SNRPD1: variants seen among roughly 807,000 people sequenced by gnomAD.
SNRPD1 encodes small nuclear ribonucleoprotein D1 polypeptide.
SNRPD1 carries 1 observed loss-of-function variant against 14.4 expected under a neutral mutation model. That is an observed-to-expected ratio of 0.07 (90% CI 0.02 to 0.33). SNRPD1 has a LOEUF of 0.33. Among genes scored for constraint, SNRPD1 ranks in the 10% least tolerant of loss-of-function variants. SNRPD1 has a pLI of 1.00. For synonymous variants in SNRPD1, 42 were observed against 50.3 expected, an observed-to-expected ratio of 0.83 and a Z score of 0.70; for missense variants, 52 against 146.4, an observed-to-expected ratio of 0.36 and a Z score of 3.33.
At position 21,628,932 on chromosome 18, in the gene SNRPD1, C is replaced by CT. The variant is rs1598495282; in HGVS notation, c.284-127dup. ...ACACATTTAACAGAAGCTAGTTAAA[C>CT]TTTATTTACTGTAGCTACTAATAAA... On this transcript the variant is annotated intron_variant, in intron 3 of 3. Coordinates refer to ENST00000300413, the MANE Select transcript of SNRPD1 (RefSeq NM_006938.4). 1.4e-5 allele frequency: 10 copies of CT among 740,438 alleles called. No homozygotes were observed. In the South Asian group the frequency reaches 1.6e-4, roughly 12 times the overall value. 45.9% of individuals were successfully genotyped at this position (740,438 alleles called of 1,614,324 possible).
intron 1 of SNRPD1, among the ~76,000 whole-genome samples, chr18:21,617,352 C>T (rs1365247884): frequency 6.6e-6 from 1 of 152,052 alleles, no homozygotes; most frequent in Non-Finnish European, 1.5e-5. Flanking sequence ...GTAATCCCAG[C>T]TAAATCAACC....
At chr18:21,624,536 GC>G (rs1339407755) in intron 3 of SNRPD1, among the ~76,000 whole-genome samples, 1 of 151,152 alleles carries the variant, frequency 6.6e-6, no homozygotes, top group Non-Finnish European at 1.5e-5. Context: ...TACTAAAAAT[GC>G]AAAAAAAATC....
chr18:21,625,286 T>C (rs1334365637), intron 3 of SNRPD1, among the ~76,000 whole-genome samples: 1 of 148,872 alleles, frequency 6.7e-6, no homozygotes, highest in Non-Finnish European at 1.5e-5. Flanking sequence ...GTTCCCAGTC[T>C]ACTTTCTATT....
chr18:21,624,690 CA>C (rs1206974503), intron 3 of SNRPD1, among the ~76,000 whole-genome samples: 3,740 of 138,308 alleles, frequency 0.027, 123 homozygotes, highest in African/African-American at 0.076. Flanking sequence ...GACTTTGTCT[CA>C]AAAAAAAAAA....
chr18:21,631,664 C>T lies in SNRPD1; in HGVS notation c.*2526C>T, dbSNP rs2039085870. On this transcript the variant is annotated 3_prime_UTR_variant, in exon 4 of 4. Coordinates refer to ENST00000300413, the MANE Select transcript of SNRPD1 (RefSeq NM_006938.4). ...TGTTAGGATGGTCTCGTTCTCCTGA[C>T]CTCATGATCTGCACGAGGCCTCCCA... The T allele has an allele frequency of 6.6e-6, 1 of 152,054 alleles. No homozygotes were observed. The highest frequency in any genetic ancestry group is 6.6e-5 in the Admixed American group (1 of 15,210). The allele number at this position is 152,054 out of a possible 1,614,324, so 9.4% of individuals were successfully genotyped here. A position where few individuals can be genotyped will look rare whatever the true frequency, so the allele number is the denominator to read the frequency against.
intron 1 of SNRPD1, among the ~76,000 whole-genome samples, chr18:21,616,689 CTTT>C (rs34166333): frequency 5.2e-5 from 7 of 135,236 alleles, no homozygotes; most frequent in Non-Finnish European, 4.7e-5. Flanking sequence ...CTCTTTAAGT[CTTT>C]TTTTTTTTTT....
At chr18:21,617,808 G>A (rs573788147) in intron 1 of SNRPD1, among the ~76,000 whole-genome samples, 2 of 152,110 alleles carry the variant, frequency 1.3e-5, no homozygotes, top group Admixed American at 6.6e-5. Context: ...GTAAAACCCC[G>A]TCTCTACTAA....
In SNRPD1 at chr18:21,612,335, A is replaced by G; in HGVS notation, c.-95A>G. Reference sequence around the variant, plus strand: ...CGCTCTTGACGTCCGGAGCCCCTGGAGTAGGCGCTTCCGGCCATTCATACT... The same window carrying G: ...CGCTCTTGACGTCCGGAGCCCCTGGGGTAGGCGCTTCCGGCCATTCATACT... On this transcript the variant is annotated 5_prime_UTR_variant, in exon 1 of 4. Transcript: ENST00000300413. 1 of 912,940 alleles carries G rather than the reference A, an allele frequency of 1.1e-6. No homozygotes were observed. Among genetic ancestry groups the G allele is most frequent in the Non-Finnish European group, 1.6e-6 (1 of 618,502 alleles). The allele number at this position is 912,940 out of a possible 1,614,324, so 56.6% of individuals were successfully genotyped here.
At chr18:21,620,388 A>G (rs547241930) in intron 1 of SNRPD1, among the ~76,000 whole-genome samples, 2 of 152,326 alleles carry the variant, frequency 1.3e-5, no homozygotes, top group African/African-American at 2.4e-5. Flanking sequence ...GGCATGAGCC[A>G]CTGCACTGGC....
At chr18:21,622,581 C>T in intron 1 of SNRPD1, 144 bp from the exon 2 acceptor site, 5 of 583,690 alleles carry the variant, frequency 8.6e-6, no homozygotes, top group Non-Finnish European at 1.6e-5. Context: ...TTCAGGAAAG[C>T]TGAAATTGTT....
chr18:21,613,511 C>T (rs1036947891), intron 1 of SNRPD1, among the ~76,000 whole-genome samples: 2 of 152,146 alleles, frequency 1.3e-5, no homozygotes, highest in African/African-American at 4.8e-5. Flanking sequence ...TAGATAACGT[C>T]TGAAGTAACG....
chr18:21,620,419 C>G (rs1293608197), intron 1 of SNRPD1, among the ~76,000 whole-genome samples: 1 of 152,056 alleles, frequency 6.6e-6, no homozygotes, highest in Non-Finnish European at 1.5e-5. Context: ...ATTTGTAAAC[C>G]CTTTAACTTT....
rs1248966421 is a variant in SNRPD1, at chr18:21,621,811, A to C, written c.15-914A>C. On this transcript the variant is annotated intron_variant, in intron 1 of 3. Coordinates refer to ENST00000300413, the MANE Select transcript of SNRPD1 (RefSeq NM_006938.4). ...AGGCTGGTCTTGAATTCCTGACCTC[A>C]GATGATCCGCCCTCCTCGGCCTCCC... is the stretch of plus-strand genomic sequence containing the variant. Among the ~76,000 whole-genome samples the C allele has an allele frequency of 2.0e-5, 3 of 152,220 alleles. No homozygotes were observed. The East Asian group carries it at 5.8e-4, about 30-fold the overall frequency.
chr18:21,627,955 C>T (rs951405722), intron 3 of SNRPD1, among the ~76,000 whole-genome samples: 2 of 152,100 alleles, frequency 1.3e-5, no homozygotes, highest in African/African-American at 2.4e-5. Flanking sequence ...GCTGGTTCTC[C>T]TCAGTTTTCC....
chr18:21,614,411 A>C (rs952611201), intron 1 of SNRPD1, among the ~76,000 whole-genome samples: 1 of 152,158 alleles, frequency 6.6e-6, no homozygotes, highest in African/African-American at 2.4e-5. Context: ...TTTTCCAGTA[A>C]TTTTTAATAC....
chr18:21,624,518 C>G (rs996765935), intron 3 of SNRPD1, among the ~76,000 whole-genome samples: 1 of 151,706 alleles, frequency 6.6e-6, no homozygotes, highest in Non-Finnish European at 1.5e-5. Context: ...ATGGCGAAAC[C>G]CCCTCTCTAC....
Position 21,629,455 on chromosome 18 carries a change from A to G in SNRPD1, c.*317A>G, listed in dbSNP as rs900199324. ...GCAGAGTTTAATTGAGCAAAGGACA[A>G]TTCACAAATCAGGTAGCCCCTGAAC... On this transcript the variant is annotated 3_prime_UTR_variant, in exon 4 of 4. Coordinates refer to ENST00000300413, the MANE Select transcript of SNRPD1 (RefSeq NM_006938.4). 4 of 225,496 alleles carry G rather than the reference A, an allele frequency of 1.8e-5. No individual in the cohort carries two copies. Among genetic ancestry groups the G allele is most frequent in the African/African-American group, 4.6e-5 (2 of 43,328 alleles). The allele number at this position is 225,496 out of a possible 1,614,324, so 14.0% of individuals were successfully genotyped here. A position where few individuals can be genotyped will look rare whatever the true frequency, so the allele number is the denominator to read the frequency against.
chr18:21,632,521 T>A lies in SNRPD1; in HGVS notation c.*3383T>A, dbSNP rs1019266126. ...TAGGATGTTTGCAGTGTGAAGCCAG[T>A]CTAGTAACAGTTTAAATGTAATAAT... On this transcript the variant is annotated 3_prime_UTR_variant, in exon 4 of 4. Coordinates refer to ENST00000300413, the MANE Select transcript of SNRPD1 (RefSeq NM_006938.4). 1 of 152,020 alleles carries A rather than the reference T, an allele frequency of 6.6e-6. No individual in the cohort carries two copies. The highest frequency in any genetic ancestry group is 1.5e-5 in the Non-Finnish European group (1 of 68,002). The allele number at this position is 152,020 out of a possible 1,614,324, so 9.4% of individuals were successfully genotyped here.
chr18:21,632,853 T>C lies in SNRPD1; in HGVS notation c.*3715T>C, dbSNP rs373150350. ...TTCTTTTCTTTTCTTTTCTTTTCTT[T>C]TCTTTTTTTTTTTTTGAGACAGAGT... is the stretch of plus-strand genomic sequence containing the variant. On this transcript the variant is annotated 3_prime_UTR_variant, in exon 4 of 4. Coordinates refer to ENST00000300413, the MANE Select transcript of SNRPD1 (RefSeq NM_006938.4). 0.011 allele frequency: 1,724 copies of C among 152,138 alleles called. 20 individuals are homozygous for C. Among genetic ancestry groups the C allele is most frequent in the Non-Finnish European group, 0.017 (1,168 of 69,956 alleles). The allele number at this position is 152,138 out of a possible 1,614,324, so 9.4% of individuals were successfully genotyped here.
Sources: gnomAD v4.1 joint callset for allele counts (sites outside exome capture counted in the v4.1 genomes callset) on GRCh38, gnomAD v4.1.1 for gene constraint, MANE v1.5 for transcripts, NCBI Gene and HGNC (gene_info 2026-07-23, HGNC 2026-07-21) for gene names.